The following FAM53A variants were observed in gnomAD, a reference collection of about 807,000 sequenced individuals.
FAM53A encodes family with sequence similarity 53 member A, also known as protein FAM53A.
FAM53A carries 28 observed loss-of-function variants against 26.6 expected under a neutral mutation model. That is an observed-to-expected ratio of 1.05 (90% CI 0.78 to 1.45). FAM53A has a LOEUF of 1.45. Ranked by LOEUF, FAM53A falls within the 40% of genes most tolerant of loss-of-function variation. FAM53A has a pLI of 0.00. For synonymous variants in FAM53A, 290 were observed against 253.1 expected, an observed-to-expected ratio of 1.15 and a Z score of -1.38; for missense variants, 650 against 575.8, an observed-to-expected ratio of 1.13 and a Z score of -1.32.
intron 4 of FAM53A, among the ~76,000 whole-genome samples, chr4:1,647,617 C>G (rs1381602876): frequency 6.6e-6 from 1 of 152,224 alleles, no homozygotes; most frequent in Admixed American, 6.5e-5. Flanking sequence ...GCCAGGGACG[C>G]CGGACTAGAG....
chr4:1,664,346 C>G lies in FAM53A; in HGVS notation c.75+4321G>C, dbSNP rs148236106. 2.8e-3 allele frequency among the ~76,000 whole-genome samples: 434 copies of G among 152,288 alleles called. 2 individuals carry two copies. The highest frequency in any genetic ancestry group is 0.01 in the African/African-American group (422 of 41,554). Reference sequence around the variant, plus strand: ...AACAAGGAGCCCTGAGCTAACAGCGCCCGCCTCGCTTGCTCACTGAGGCCG... The same window carrying G: ...AACAAGGAGCCCTGAGCTAACAGCGGCCGCCTCGCTTGCTCACTGAGGCCG... On this transcript the variant is annotated intron_variant, in intron 2 of 4. Coordinates refer to ENST00000308132, the MANE Select transcript of FAM53A (RefSeq NM_001174070.3).
rs1004747718 is a variant in FAM53A, at chr4:1,643,242, G to A, written c.883-1635C>T. Among the ~76,000 whole-genome samples the A allele has an allele frequency of 2.6e-5, 4 of 152,100 alleles. 1 individual carries two copies. Among genetic ancestry groups the A allele is most frequent in the Non-Finnish European group, 5.9e-5 (4 of 68,030 alleles). ...AGCACTTTGGGAGGCCGGGGCGGGC[G>A]GATCACGAGGTCAGGAGATCAAGAC... On this transcript the variant is annotated intron_variant, in intron 4 of 4. Transcript: ENST00000308132.
At chr4:1,647,497 C>G (rs1448470304) in intron 4 of FAM53A, among the ~76,000 whole-genome samples, 4 of 152,110 alleles carry the variant, frequency 2.6e-5, no homozygotes, top group Non-Finnish European at 4.4e-5. Flanking sequence ...GAGCAGACAG[C>G]AGGGGGTGGC....
intron 1 of FAM53A, among the ~76,000 whole-genome samples, chr4:1,679,763 C>G (rs1715286439): frequency 6.7e-6 from 1 of 149,870 alleles, no homozygotes; most frequent in Admixed American, 6.7e-5. Flanking sequence ...CCCTCACCAA[C>G]TGGGGCCGGG....
chr4:1,584,116 T>A, the FAM53A span, among the ~76,000 whole-genome samples: 40 of 152,364 alleles, frequency 2.6e-4, no homozygotes, highest in Middle Eastern at 3.4e-3. Flanking sequence ...TATCATCTAT[T>A]CCTCTGTCGT....
chr4:1,592,213 A>C, the FAM53A span, among the ~76,000 whole-genome samples: 1 of 152,170 alleles, frequency 6.6e-6, no homozygotes, highest in African/African-American at 2.4e-5. Flanking sequence ...CCAGGGAAAA[A>C]AAAATGCCAC....
chr4:1,610,325 G>C, the FAM53A span, among the ~76,000 whole-genome samples: 1 of 152,124 alleles, frequency 6.6e-6, no homozygotes, highest in Admixed American at 6.5e-5. Context: ...CTGCCTGCCG[G>C]AAGACCTGCC....
chr4:1,579,043 C>A, the FAM53A span, among the ~76,000 whole-genome samples: 1 of 150,694 alleles, frequency 6.6e-6, no homozygotes, highest in Non-Finnish European at 1.5e-5. Context: ...GCGCTCCCCC[C>A]ATTGCACCGC....
At chr4:1,656,814 C>G (rs981893730) in intron 3 of FAM53A, among the ~76,000 whole-genome samples, 1 of 152,144 alleles carries the variant, frequency 6.6e-6, no homozygotes. Flanking sequence ...TGACACAGGG[C>G]GCTGGGCGTG....
rs531435194 is a variant in FAM53A at position 1,659,019 on chromosome 4, C to T, written c.76-1551G>A. On this transcript the variant is annotated intron_variant, in intron 2 of 4. Coordinates refer to ENST00000308132, the MANE Select transcript of FAM53A (RefSeq NM_001174070.3). The surrounding 1 kb of genome is among the most constrained non-coding windows in gnomAD (Gnocchi z 5.2). ...CACGTCCTATGATAACATTTCCAAACACGATAAAATTAAAAGGAAATCCTT... is the reference window on the plus strand; with the variant it reads ...CACGTCCTATGATAACATTTCCAAATACGATAAAATTAAAAGGAAATCCTT... Among the ~76,000 whole-genome samples the T allele has an allele frequency of 1.1e-4, 16 of 152,366 alleles. No homozygotes were observed. Among genetic ancestry groups the T allele is most frequent in the Admixed American group, 3.3e-4 (5 of 15,312 alleles).
intron 4 of FAM53A, among the ~76,000 whole-genome samples, chr4:1,646,829 T>C (rs1042642583): frequency 1.3e-5 from 2 of 152,186 alleles, no homozygotes; most frequent in African/African-American, 4.8e-5. Flanking sequence ...GCTGTTTCTT[T>C]CTCTGCAGCA....
intron 1 of FAM53A, among the ~76,000 whole-genome samples, chr4:1,619,948 G>A (rs956789900): frequency 5.3e-5 from 8 of 151,682 alleles, no homozygotes; most frequent in Admixed American, 3.3e-4. Flanking sequence ...GGTGGCTCAC[G>A]CCTGTAATCC....
chr4:1,676,745 C>T (rs948568448), intron 1 of FAM53A, among the ~76,000 whole-genome samples: 4 of 152,176 alleles, frequency 2.6e-5, no homozygotes, highest in Admixed American at 6.5e-5. Context: ...GAAGGCACGT[C>T]ACGGTGTATC....
exon 2 of FAM53A, chr4:1,617,962 G>C: frequency 2.3e-6 from 1 of 440,900 alleles, no homozygotes; most frequent in Non-Finnish European, 4.6e-6. Flanking sequence ...CGCTGCGATG[G>C]TGCCACCACA....
the FAM53A span, among the ~76,000 whole-genome samples, chr4:1,576,075 G>C: frequency 1.1e-4 from 16 of 152,308 alleles, no homozygotes; most frequent in Non-Finnish European, 1.9e-4. Flanking sequence ...GGGTTTGATC[G>C]GCCCGTGCAC....
At chr4:1,682,864 C>T (rs1715548458) in intron 1 of FAM53A, among the ~76,000 whole-genome samples, 1 of 152,226 alleles carries the variant, frequency 6.6e-6, no homozygotes, top group Admixed American at 6.5e-5. Context: ...CTGTGGTCCC[C>T]ACGTGCAATC....
At chr4:1,593,048 C>T in the FAM53A span, among the ~76,000 whole-genome samples, 1 of 152,218 alleles carries the variant, frequency 6.6e-6, no homozygotes, top group Admixed American at 6.5e-5. Context: ...GGGCCGAGGG[C>T]CCATGCGGAG....
chr4:1,655,757 G>A (rs778499899), intron 3 of FAM53A, 34 bp from the exon 4 acceptor site: 4 of 1,507,410 alleles, frequency 2.7e-6, no homozygotes, highest in Non-Finnish European at 8.8e-7. Context: ...CAGGGGAAGA[G>A]ACAGGTGAGC....
chr4:1,585,298 T>TCC, the FAM53A span, among the ~76,000 whole-genome samples: 8 of 104,934 alleles, frequency 7.6e-5, no homozygotes, highest in African/African-American at 3.1e-4. Flanking sequence ...TTTTTTTTTT[T>TCC]TGGAGACAGA....
Sources: allele counts gnomAD v4.1 joint callset (sites outside exome capture counted in the v4.1 genomes callset), GRCh38; gene constraint gnomAD v4.1.1; non-coding constraint Gnocchi (gnomAD v3.1); transcripts MANE v1.5; gene names NCBI Gene and HGNC (gene_info 2026-07-23, HGNC 2026-07-21).